Variants in NACC2 observed in about 807,000 individuals in gnomAD.
The protein encoded by NACC2 is NACC family member 2.
Under a neutral mutation model 25.1 loss-of-function variants are expected in NACC2, and 8 were observed. That is an observed-to-expected ratio of 0.32 (90% confidence interval 0.19 to 0.57). The LOEUF is 0.57. Ranked by LOEUF, NACC2 falls within the 20% of genes least tolerant of loss-of-function variation. The pLI is 0.89. For missense variants in NACC2, 644 were observed against 650.2 expected (o/e 0.99, Z 0.10); for synonymous variants, 435 against 294.7 (o/e 1.48, Z -4.88).
chr9:136,016,097 G>A (rs545144907), intron 3 of NACC2, among the ~76,000 whole-genome samples, 168 bp downstream of exon 3: 2 of 152,250 alleles, frequency 1.3e-5, no homozygotes, highest in South Asian at 4.1e-4. Context: ...TAATTCAATT[G>A]AATAACTTCT....
At chr9:136,064,613 TC>T (rs1224634310) in intron 1 of NACC2, among the ~76,000 whole-genome samples, 1 of 152,178 alleles carries the variant, frequency 6.6e-6, no homozygotes, top group East Asian at 1.9e-4. Flanking sequence ...ATTAAAGTCT[TC>T]CTTAATAATG....
Position 136,086,564 on chromosome 9 carries a change from C to T in NACC2, c.-60+8625G>A, listed in dbSNP as rs768007392. 3.9e-5 allele frequency among the ~76,000 whole-genome samples: 6 copies of T among 152,182 alleles called. No individual in the cohort carries two copies. The highest frequency in any genetic ancestry group is 7.4e-5 in the Non-Finnish European group (5 of 68,026). On this transcript the variant is annotated intron_variant, in intron 1 of 5. Coordinates refer to ENST00000277554, the MANE Select transcript of NACC2 (RefSeq NM_144653.5). The surrounding 1 kb of genome is among the most constrained non-coding windows in gnomAD (Gnocchi z 5.6). ...CCAGCCACGGTCCCACCCCGGGCTC[C>T]ACTGTGACCCACACGCTGTCATTTC...
intron 1 of NACC2, among the ~76,000 whole-genome samples, chr9:136,075,454 G>A (rs541123512): frequency 1.1e-4 from 16 of 152,370 alleles, no homozygotes; most frequent in African/African-American, 3.6e-4. Context: ...TTTCCCTTTC[G>A]TAGACGTCGG....
intron 1 of NACC2, among the ~76,000 whole-genome samples, chr9:136,094,133 C>T (rs1830462135): frequency 6.6e-6 from 1 of 152,222 alleles, no homozygotes; most frequent in Non-Finnish European, 1.5e-5. Context: ...GCACCCCCGC[C>T]ACACACAGGA....
At chr9:136,088,568 C>T (rs1344887951) in intron 1 of NACC2, among the ~76,000 whole-genome samples, 12 of 152,326 alleles carry the variant, frequency 7.9e-5, no homozygotes, top group South Asian at 6.2e-4. Context: ...GACCCAGGTC[C>T]GGTGACCACC....
intron 3 of NACC2, among the ~76,000 whole-genome samples, chr9:136,015,322 C>T (rs7861958): frequency 0.15 from 22,569 of 152,250 alleles, 1,926 homozygotes; most frequent in African/African-American, 0.22. Context: ...CCCAGCACTG[C>T]GCTCGCCATC....
At chr9:136,015,680 A>C (rs1013278860) in intron 3 of NACC2, among the ~76,000 whole-genome samples, 3 of 152,240 alleles carry the variant, frequency 2.0e-5, no homozygotes, top group Non-Finnish European at 4.4e-5. Context: ...ACCGGGAAGA[A>C]ATCCCCAGAA....
chr9:136,014,063 G>C, intron 3 of NACC2, 94 bp from the exon 4 acceptor site: 1 of 363,810 alleles, frequency 2.7e-6, no homozygotes. Flanking sequence ...GGGGGAGGTG[G>C]AGGGGGAGGA....
intron 1 of NACC2, among the ~76,000 whole-genome samples, chr9:136,092,277 C>G (rs1830441205): frequency 6.6e-6 from 1 of 152,212 alleles, no homozygotes; most frequent in Non-Finnish European, 1.5e-5. Context: ...TCTGCAGACA[C>G]TCACCGCCGG....
chr9:136,092,159 T>C (rs1301697528), intron 1 of NACC2, among the ~76,000 whole-genome samples: 1 of 152,222 alleles, frequency 6.6e-6, no homozygotes, highest in East Asian at 1.9e-4. Context: ...AAGGCCCGAC[T>C]GCCCACCTCT....
At chr9:136,048,390 C>T (rs1052077521) in intron 2 of NACC2, among the ~76,000 whole-genome samples, 6 of 152,194 alleles carry the variant, frequency 3.9e-5, no homozygotes, top group African/African-American at 7.2e-5. Context: ...AGCCGGAGCC[C>T]GGTGTGCTCT....
At chr9:136,060,547 G>A (rs144434032) in intron 1 of NACC2, among the ~76,000 whole-genome samples, 34 of 152,324 alleles carry the variant, frequency 2.2e-4, no homozygotes, top group African/African-American at 7.5e-4. Flanking sequence ...GGGGCCGGGT[G>A]GGGGGTGCCA....
At chr9:136,095,114 G>GCGGGCCCGGCCCGTGGGA (rs1351705833) in intron 1 of NACC2, 75 bp downstream of exon 1, 4 of 146,446 alleles carry the variant, frequency 2.7e-5, no homozygotes, top group African/African-American at 9.8e-5. Context: ...TGCGGGAAGT[G>GCGGGCCCGGCCCGTGGGA]CGGGCCCGGC....
chr9:136,068,550 T>C (rs996913477), intron 1 of NACC2, among the ~76,000 whole-genome samples: 5 of 150,200 alleles, frequency 3.3e-5, no homozygotes, highest in African/African-American at 7.4e-5. Context: ...GATGGCTACA[T>C]CGTCACTAGG....
chr9:136,024,108 GGTGAGGACAGAGGGTGCGT>G (rs1448622763), intron 2 of NACC2, among the ~76,000 whole-genome samples: 6 of 149,224 alleles, frequency 4.0e-5, no homozygotes. Flanking sequence ...TGTGTGTGTG[GGTGAGGACAGAGGGTGCGT>G]GTGAGGACAG....
chr9:136,013,685 C>CCCT lies in NACC2; in HGVS notation c.1157+176_1157+178dup, dbSNP rs948681374. Among the ~76,000 whole-genome samples, 3 of 152,102 alleles carry CCCT rather than the reference C, an allele frequency of 2.0e-5. No individual in the cohort carries two copies. Among genetic ancestry groups the CCCT allele is most frequent in the Non-Finnish European group, 2.9e-5 (2 of 68,022 alleles). On this transcript the variant is annotated intron_variant, in intron 4 of 5. Transcript: ENST00000277554. The surrounding 1 kb of genome is among the most constrained non-coding windows in gnomAD (Gnocchi z 6.6). ...TTTGAGAAAGGCCACGAAAGACAGC[C>CCCT]CCTCCCTCCCTCCCTGGGAGCCTCT...
At chr9:136,048,732 G>C (rs958215788) in intron 2 of NACC2, among the ~76,000 whole-genome samples, 80 of 152,340 alleles carry the variant, frequency 5.3e-4, no homozygotes, top group African/African-American at 1.9e-3. Flanking sequence ...AGCTGGCCTA[G>C]GGGTCCAAGC....
At chr9:136,024,211 T>TGTGTGTGTGAGGACAGAGG (rs67277453) in intron 2 of NACC2, among the ~76,000 whole-genome samples, 2 of 98,288 alleles carry the variant, frequency 2.0e-5, no homozygotes, top group East Asian at 3.0e-4. Context: ...GGACAGAGTG[T>TGTGTGTGTGAGGACAGAGG]GTGTGTGTGA....
chr9:136,082,142 G>C (rs932712247), intron 1 of NACC2, among the ~76,000 whole-genome samples: 1 of 152,232 alleles, frequency 6.6e-6, no homozygotes, highest in South Asian at 2.1e-4. Context: ...ACTAAAGCAG[G>C]TGACCGCCCA....
Sources: gnomAD v4.1 joint callset for allele counts (sites outside exome capture counted in the v4.1 genomes callset) on GRCh38, gnomAD v4.1.1 for gene constraint, Gnocchi (gnomAD v3.1) non-coding constraint, MANE v1.5 for transcripts, NCBI Gene and HGNC (gene_info 2026-07-23, HGNC 2026-07-21) for gene names.